The following SYNPR variants were observed in gnomAD, a reference collection of about 807,000 sequenced individuals.
The protein encoded by SYNPR is synaptoporin.
A neutral mutation model predicts 32.9 loss-of-function variants in SYNPR; 23 were observed. That is an observed-to-expected ratio of 0.70 (90% CI 0.50 to 0.99). The LOEUF (loss-of-function observed/expected upper bound fraction) is 0.99. SYNPR is among the 50% of genes least tolerant of loss of function. The pLI, the probability that SYNPR is intolerant of heterozygous loss-of-function variation, is 0.00. For missense variants in SYNPR, 318 were observed against 349.3 expected (o/e 0.91, Z 0.71); for synonymous variants, 146 against 135.9 (o/e 1.07, Z -0.52).
At chr3:63,239,062 G>A (rs1474383656) in intron 1 of SYNPR, among the ~76,000 whole-genome samples, 1 of 152,010 alleles carries the variant, frequency 6.6e-6, no homozygotes, top group African/African-American at 2.4e-5. Flanking sequence ...TCTTCCTATG[G>A]AGCTGACCAT....
At chr3:63,604,647 A>G (rs1244848938) in intron 4 of SYNPR, among the ~76,000 whole-genome samples, 2 of 152,136 alleles carry the variant, frequency 1.3e-5, no homozygotes, top group African/African-American at 4.8e-5. Flanking sequence ...CAATTGTATT[A>G]TTTTGAGTGA....
At position 63,480,869 on chromosome 3, in the gene SYNPR, A is replaced by C; in HGVS notation, c.122A>C (p.Tyr41Ser). The change falls in exon 3 of 6, where the codon TAT (tyrosine) becomes TCT (serine). Residue 41 changes from tyrosine (Y) to serine (S), a missense_variant. Transcript: ENST00000478300. Reference protein sequence around the residue: ...AIFAFATCGGYSGGLRLSVDC... With the variant: ...AIFAFATCGGSSGGLRLSVDC... ...TTTGCATTTGCAACATGCGGTGGCT[A>C]TTCTGGAGGCCTGCGGCTGAGTGTG... 1.2e-6 allele frequency: 2 copies of C among 1,613,664 alleles called. No homozygotes were observed. Among genetic ancestry groups the C allele is most frequent in the Non-Finnish European group, 1.7e-6 (2 of 1,179,624 alleles).
chr3:63,248,615 G>T (rs1251355796), intron 1 of SYNPR, among the ~76,000 whole-genome samples: 1 of 152,122 alleles, frequency 6.6e-6, no homozygotes, highest in Non-Finnish European at 1.5e-5. Flanking sequence ...AAGTTTATAT[G>T]TGTGTTCTTT....
In SYNPR at chr3:63,278,407, G is replaced by T; in HGVS notation, c.-127G>T. The T allele has an allele frequency of 7.8e-7, 1 of 1,274,170 alleles. No homozygotes were observed. Among genetic ancestry groups the T allele is most frequent in the Non-Finnish European group, 1.1e-6 (1 of 943,158 alleles). The allele number at this position is 1,274,170 out of a possible 1,614,324, so 78.9% of individuals were successfully genotyped here. On this transcript the variant is annotated 5_prime_UTR_variant, in exon 1 of 6. Transcript: ENST00000478300. The stretch of plus-strand genomic sequence containing the variant: ...CTCCCCGAGGCCCCCTGCCCTCGCC[G>T]GGCTGCTCCAGGGTGTCGCTCCTCT...
intron 2 of SYNPR, among the ~76,000 whole-genome samples, chr3:63,257,076 G>A (rs2086390596): frequency 6.6e-6 from 1 of 152,176 alleles, no homozygotes; most frequent in African/African-American, 2.4e-5. Flanking sequence ...TATGTGAAAA[G>A]ACCAAATCTA....
chr3:63,316,651 G>T (rs898171381), intron 2 of SYNPR, among the ~76,000 whole-genome samples: 2 of 151,754 alleles, frequency 1.3e-5, no homozygotes, highest in Admixed American at 1.3e-4. Context: ...TTTGCTAATG[G>T]TCTATCAATT....
rs115423209 is a variant in SYNPR, at chr3:63,453,434, G to A, written c.85-27398G>A. ...GGGAGTTTATTAAAAATGATGTTCA[G>A]ATTAAAAGTAGACCTGTCAGAATGG... On this transcript the variant is annotated intron_variant, in intron 2 of 5. Coordinates refer to ENST00000478300, the MANE Select transcript of SYNPR (RefSeq NM_001130003.2). Among the ~76,000 whole-genome samples, 429 of 152,178 alleles carry A rather than the reference G, an allele frequency of 2.8e-3. 2 individuals are homozygous for A. The highest frequency in any genetic ancestry group is 9.8e-3 in the African/African-American group (407 of 41,528).
At chr3:63,294,855 T>C (rs947243137) in intron 2 of SYNPR, among the ~76,000 whole-genome samples, 3 of 152,172 alleles carry the variant, frequency 2.0e-5, no homozygotes, top group Non-Finnish European at 4.4e-5. Flanking sequence ...TATTCAGTAC[T>C]TTTCTGAAAT....
chr3:63,348,106 AT>A (rs1213353891), intron 2 of SYNPR, among the ~76,000 whole-genome samples: 2 of 152,138 alleles, frequency 1.3e-5, no homozygotes, highest in African/African-American at 4.8e-5. Context: ...AGAAATATCC[AT>A]TCTGTTTTCC....
intron 2 of SYNPR, among the ~76,000 whole-genome samples, chr3:63,384,054 G>A (rs1292213629): frequency 1.3e-5 from 2 of 152,226 alleles, no homozygotes; most frequent in Admixed American, 6.5e-5. Context: ...TGAATACTCA[G>A]AGAAGCAAAA....
chr3:63,527,769 G>A (rs13320303), intron 3 of SYNPR, among the ~76,000 whole-genome samples: 1,564 of 152,190 alleles, frequency 0.01, 20 homozygotes, highest in African/African-American at 0.035. Context: ...TGTCCTTTGC[G>A]TGGCCTTATG....
chr3:63,476,213 G>A (rs1409435652), intron 2 of SYNPR, among the ~76,000 whole-genome samples: 1 of 75,268 alleles, frequency 1.3e-5, no homozygotes, highest in Non-Finnish European at 2.7e-5. Flanking sequence ...AAGGAAGGAA[G>A]GAGGGAAGGG....
chr3:63,294,458 T>C (rs2086773639), intron 2 of SYNPR, among the ~76,000 whole-genome samples: 2 of 152,352 alleles, frequency 1.3e-5, no homozygotes, highest in South Asian at 4.1e-4. Flanking sequence ...CGTTTGGAAA[T>C]ATTTTAATGA....
At chr3:63,300,239 T>G (rs1013415430) in intron 2 of SYNPR, among the ~76,000 whole-genome samples, 1 of 152,040 alleles carries the variant, frequency 6.6e-6, no homozygotes, top group Non-Finnish European at 1.5e-5. Context: ...ACTTTGGCAA[T>G]TGGCTTTTTA....
chr3:63,280,161 C>G (rs1293146998), intron 2 of SYNPR, among the ~76,000 whole-genome samples: 1 of 152,156 alleles, frequency 6.6e-6, no homozygotes, highest in Non-Finnish European at 1.5e-5. Flanking sequence ...CTCTTATTGT[C>G]TCACACGCTC....
At chr3:63,260,347 A>T (rs1184662944) in intron 2 of SYNPR, among the ~76,000 whole-genome samples, 1 of 152,232 alleles carries the variant, frequency 6.6e-6, no homozygotes, top group Non-Finnish European at 1.5e-5. Context: ...TAACCAAAAC[A>T]GCATGGTACT....
At chr3:63,367,724 G>C (rs926889853) in intron 2 of SYNPR, among the ~76,000 whole-genome samples, 1 of 152,088 alleles carries the variant, frequency 6.6e-6, no homozygotes, top group African/African-American at 2.4e-5. Context: ...TTCAACTAGG[G>C]AAACAGGCCC....
At chr3:63,427,117 G>C (rs937421763) in intron 2 of SYNPR, among the ~76,000 whole-genome samples, 1 of 146,784 alleles carries the variant, frequency 6.8e-6, no homozygotes, top group African/African-American at 2.5e-5. Context: ...GAAAGGATGA[G>C]TTATATAAAA....
the SYNPR span, among the ~76,000 whole-genome samples, chr3:63,218,760 A>C: frequency 6.6e-6 from 1 of 152,282 alleles, no homozygotes; most frequent in East Asian, 1.9e-4. Context: ...ATGCCAACTG[A>C]AAGTCTGTGT....
Sources: allele counts gnomAD v4.1 joint callset (sites outside exome capture counted in the v4.1 genomes callset), GRCh38; gene constraint gnomAD v4.1.1; transcripts MANE v1.5; gene names NCBI Gene and HGNC (gene_info 2026-07-23, HGNC 2026-07-21).